The following WDR12 variants were observed in gnomAD, a reference collection of about 807,000 sequenced individuals.
The protein encoded by WDR12 is ribosome biogenesis protein WDR12.
A neutral mutation model predicts 64.3 loss-of-function variants in WDR12; 42 were observed. That is an observed-to-expected ratio of 0.65 (90% CI 0.51 to 0.84). The LOEUF (loss-of-function observed/expected upper bound fraction) is 0.84. Among genes scored for constraint, WDR12 ranks in the 40% least tolerant of loss-of-function variants. The pLI is 0.00. For synonymous variants in WDR12, 158 were observed against 173.3 expected, an observed-to-expected ratio of 0.91 and a Z score of 0.70; for missense variants, 469 against 494.6, an observed-to-expected ratio of 0.95 and a Z score of 0.49.
chr2:202,901,681 T>C (rs571217652), intron 2 of WDR12, among the ~76,000 whole-genome samples: 1 of 152,316 alleles, frequency 6.6e-6, no homozygotes, highest in South Asian at 2.1e-4. Context: ...TCCTCCTCCT[T>C]TTTCTCCTTG....
chr2:202,905,299 C>T (rs1312312892), intron 2 of WDR12, among the ~76,000 whole-genome samples: 1 of 152,216 alleles, frequency 6.6e-6, no homozygotes, highest in East Asian at 1.9e-4. Context: ...GCACCTGCCA[C>T]CATGCCTGGC....
rs775526461 is a variant in WDR12 at position 202,894,622 on chromosome 2, C to T, written c.614G>A (p.Cys205Tyr). The T allele has an allele frequency of 6.2e-7, 1 of 1,606,616 alleles. No individual in the cohort carries two copies. Among genetic ancestry groups the T allele is most frequent in the East Asian group, 2.2e-5 (1 of 44,488 alleles). ...TAGCATCTTATCCCAGGAGCCACTG[C>T]AAAACTAAACAGATGTATATGAAGG... ...IAVDGSGTKF[C>Y]SGSWDKMLKI... The change falls in exon 7 of 13, where the codon TGC becomes TAC. Residue 205 changes from cysteine to tyrosine, a missense_variant. By Grantham distance (194) the Cys-to-Tyr change is radical. Coordinates refer to ENST00000261015, the MANE Select transcript of WDR12 (RefSeq NM_018256.4).
chr2:202,903,110 T>A (rs1688379501), intron 2 of WDR12, among the ~76,000 whole-genome samples: 1 of 152,002 alleles, frequency 6.6e-6, no homozygotes, highest in Admixed American at 6.6e-5. Context: ...AAATCTCTCT[T>A]TCATATATAC....
At chr2:202,888,042 C>G (rs1688083284) in intron 8 of WDR12, among the ~76,000 whole-genome samples, 1 of 152,046 alleles carries the variant, frequency 6.6e-6, no homozygotes, top group African/African-American at 2.4e-5. Context: ...GATAGTTTTA[C>G]TTATAACTGC....
At chr2:202,887,894 C>CAAAAAA (rs778475206) in intron 8 of WDR12, among the ~76,000 whole-genome samples, 46 of 60,288 alleles carry the variant, frequency 7.6e-4, no homozygotes, top group Middle Eastern at 0.016. Context: ...GACTCCGTCT[C>CAAAAAA]AAAAAAAAAA....
Position 202,882,737 on chromosome 2 carries a change from G to C in WDR12, c.1168C>G (p.Leu390Val). Residue 390 changes from leucine to valine, a missense_variant, in exon 12 of 13, where the codon CTG becomes GTG. Physicochemically the swap from Leu to Val is conservative, Grantham distance 32. Coordinates refer to ENST00000261015, the MANE Select transcript of WDR12 (RefSeq NM_018256.4). The part of the protein sequence containing the change: ...YDLAAHEDKV[L>V]SVDWTDTGLL... ...CCTGTGTCTGTCCAGTCTACACTCA[G>C]AACTTTGTCTTCATGAGCAGCCAGA... 1 of 1,614,026 alleles carries C rather than the reference G, an allele frequency of 6.2e-7. No individual in the cohort carries two copies. Among genetic ancestry groups the C allele is most frequent in the Non-Finnish European group, 8.5e-7 (1 of 1,179,954 alleles).
rs151256595 is a variant in WDR12 at position 202,901,086 on chromosome 2, A to G, written c.170T>C (p.Ile57Thr). The change falls in exon 3 of 13, where the codon ATT becomes ACT. Residue 57 changes from isoleucine to threonine, a missense_variant. Transcript: ENST00000261015. ...GGGCATTCGCAGAAACTGGCCCTTAATAAGGAAATCAAACTCCACATGTTT... is the reference window on the plus strand; with the variant it reads ...GGGCATTCGCAGAAACTGGCCCTTAGTAAGGAAATCAAACTCCACATGTTT... Reference protein sequence around the residue: ...FHKHVEFDFLIKGQFLRMPLD... With the variant: ...FHKHVEFDFLTKGQFLRMPLD... 4.7e-5 allele frequency: 75 copies of G among 1,601,240 alleles called. No individual in the cohort carries two copies. The highest frequency in any genetic ancestry group is 5.5e-5 in the Non-Finnish European group (64 of 1,171,214).
chr2:202,884,272 T>G lies in WDR12; in HGVS notation c.914A>C (p.Tyr305Ser). 1 of 1,614,040 alleles carries G rather than the reference T, an allele frequency of 6.2e-7. No individual in the cohort carries two copies. Among genetic ancestry groups the G allele is most frequent in the Non-Finnish European group, 8.5e-7 (1 of 1,180,018 alleles). ...TGNKVFNCISYSPLCKRLASG... is the reference protein window; with the variant it reads ...TGNKVFNCISSSPLCKRLASG... ...TGCTAAACGTTTACAAAGTGGAGAA[T>G]AGGAAATACAATTAAACACTTTATT... is the stretch of plus-strand genomic sequence containing the variant. Residue 305 changes from tyrosine to serine, a missense_variant, in exon 10 of 13, where the codon TAT (tyrosine) becomes TCT (serine). Transcript: ENST00000261015.
intron 5 of WDR12, 70 bp from the exon 6 acceptor site, chr2:202,896,289 C>A (rs1688240964): frequency 6.2e-6 from 9 of 1,457,702 alleles, no homozygotes; most frequent in South Asian, 3.0e-5. Context: ...TGTTCTGAAA[C>A]CAAAGAACTA....
At chr2:202,902,428 A>C (rs772796928) in intron 2 of WDR12, among the ~76,000 whole-genome samples, 11 of 152,172 alleles carry the variant, frequency 7.2e-5, no homozygotes, top group Non-Finnish European at 1.3e-4. Context: ...AAACGAGATG[A>C]ACATTTGAGA....
chr2:202,884,341 C>A, intron 9 of WDR12, 38 bp from the exon 10 acceptor site: 1 of 1,613,382 alleles, frequency 6.2e-7, no homozygotes, highest in Non-Finnish European at 8.5e-7. Flanking sequence ...CCATGGTAGA[C>A]TAAAAACCAT....
chr2:202,905,015 G>A (rs1295019079), intron 2 of WDR12, among the ~76,000 whole-genome samples: 1 of 152,178 alleles, frequency 6.6e-6, no homozygotes, highest in Non-Finnish European at 1.5e-5. Context: ...CAAAAGGTTT[G>A]AACATACATT....
chr2:202,903,757 A>C (rs192297771), intron 2 of WDR12, among the ~76,000 whole-genome samples: 155 of 152,342 alleles, frequency 1.0e-3, no homozygotes, highest in African/African-American at 3.6e-3. Context: ...AAGTATTTCT[A>C]CTTACAGTAG....
At chr2:202,899,438 A>T in intron 4 of WDR12, 93 bp downstream of exon 4, 1 of 1,083,254 alleles carries the variant, frequency 9.2e-7, no homozygotes, top group Non-Finnish European at 1.3e-6. Flanking sequence ...AAATAACATT[A>T]AATCACAGAA....
chr2:202,884,203 G>C lies in WDR12; in HGVS notation c.983C>G (p.Thr328Ser), dbSNP rs550458322. The stretch of plus-strand genomic sequence containing the variant: ...CAGTGGTTTACATGACTCACCTTTA[G>C]TTCGGGGATCCCACAGTCTGATATG... ...DRHIRLWDPR[T>S]KDGSLVSLSL... Residue 328 changes from threonine to serine, a missense_variant, in exon 10 of 13, where the codon ACT becomes AGT. By Grantham distance (58) the Thr-to-Ser change is moderately conservative. Coordinates refer to ENST00000261015, the MANE Select transcript of WDR12 (RefSeq NM_018256.4). 18 of 1,612,602 alleles carry C rather than the reference G, an allele frequency of 1.1e-5. No homozygotes were observed. In the South Asian group the frequency reaches 2.0e-4, roughly 18 times the overall value.
chr2:202,882,396 T>A (rs1687965654), intron 12 of WDR12, among the ~76,000 whole-genome samples: 1 of 152,092 alleles, frequency 6.6e-6, no homozygotes, highest in Non-Finnish European at 1.5e-5. Context: ...TGGCTCGATC[T>A]CAGCTCACTG....
chr2:202,898,708 C>T (rs1158224740), intron 4 of WDR12, among the ~76,000 whole-genome samples: 1 of 152,022 alleles, frequency 6.6e-6, no homozygotes, highest in Non-Finnish European at 1.5e-5. Flanking sequence ...GGTATTAGGC[C>T]AGGAGATCTA....
At position 202,876,277 on chromosome 2, in the gene WDR12, A is replaced by G. The variant is rs1234245559; in HGVS notation, c.*4583T>C. 1 of 152,220 alleles carries G rather than the reference A, an allele frequency of 6.6e-6. No homozygotes were observed. Among genetic ancestry groups the G allele is most frequent in the African/African-American group, 2.4e-5 (1 of 41,446 alleles). 9.4% of individuals were successfully genotyped at this position (152,220 alleles called of 1,614,324 possible). On this transcript the variant is annotated 3_prime_UTR_variant, in exon 13 of 13. Coordinates refer to ENST00000261015, the MANE Select transcript of WDR12 (RefSeq NM_018256.4). ...GCAGCATGCAATTGTACTCCCAGGT[A>G]CGTACTCAGGAAGCTGGGGCAGGAG...
chr2:202,899,801 A>C (rs2105909949), intron 3 of WDR12, among the ~76,000 whole-genome samples, 164 bp from the exon 4 acceptor site: 1 of 152,260 alleles, frequency 6.6e-6, no homozygotes, highest in Non-Finnish European at 1.5e-5. Context: ...ACTTTATTTG[A>C]CCTAACTGTA....
Sources: allele counts gnomAD v4.1 joint callset (sites outside exome capture counted in the v4.1 genomes callset), GRCh38; gene constraint gnomAD v4.1.1; transcripts MANE v1.5; gene names NCBI Gene and HGNC (gene_info 2026-07-23, HGNC 2026-07-21).